METTL24: variants seen among roughly 807,000 people sequenced by gnomAD.
METTL24 encodes probable methyltransferase-like protein 24.
In METTL24, 29 loss-of-function variants were observed where a neutral mutation model predicts 32.7. That is an observed-to-expected ratio of 0.89 (90% CI 0.66 to 1.21). The LOEUF (loss-of-function observed/expected upper bound fraction) is 1.21, where lower values mean the gene tolerates loss of function less well. Ranked by LOEUF, METTL24 falls within the 50% of genes most tolerant of loss-of-function variation. The pLI is 0.00. For missense variants in METTL24, 439 were observed against 468.1 expected (o/e 0.94, Z 0.57); for synonymous variants, 163 against 179.5 (o/e 0.91, Z 0.73).
intron 4 of METTL24, among the ~76,000 whole-genome samples, chr6:110,279,742 C>T (rs759461710): frequency 6.6e-6 from 1 of 152,146 alleles, no homozygotes; most frequent in Non-Finnish European, 1.5e-5. Context: ...TCCCTAGTAA[C>T]TTTACCCAAA....
intron 4 of METTL24, among the ~76,000 whole-genome samples, chr6:110,274,602 A>G (rs1334528927): frequency 6.6e-6 from 1 of 152,038 alleles, no homozygotes; most frequent in Non-Finnish European, 1.5e-5. Context: ...AAGTCACCAC[A>G]AAAGAACTTA....
rs73537982 is a variant in METTL24, at chr6:110,244,877, T to C, written c.*1069A>G. Among the ~76,000 whole-genome samples, 4,565 of 152,238 alleles carry C rather than the reference T, an allele frequency of 0.03. 259 individuals are homozygous for C. The highest frequency in any genetic ancestry group is 0.1 in the African/African-American group (4,247 of 41,510). On this transcript the variant is annotated 3_prime_UTR_variant, in exon 5 of 5. Coordinates refer to ENST00000338882, the MANE Select transcript of METTL24 (RefSeq NM_001123364.3). ...ATGAAGTAATCATTAAAGGCCTTAC[T>C]TCAGTGAGGAGAGCACAGACCGAAG...
At chr6:110,314,883 G>A (rs561082473) in intron 3 of METTL24, among the ~76,000 whole-genome samples, 1 of 152,112 alleles carries the variant, frequency 6.6e-6, no homozygotes, top group East Asian at 1.9e-4. Flanking sequence ...AAGATCACTG[G>A]AGCCTGAGAG....
chr6:110,247,092 T>G (rs1285931182), intron 4 of METTL24, among the ~76,000 whole-genome samples: 1 of 152,178 alleles, frequency 6.6e-6, no homozygotes, highest in African/African-American at 2.4e-5. Flanking sequence ...CAGCTCCTTT[T>G]CGCTGCCTGT....
chr6:110,342,383 T>C (rs1444473909), intron 1 of METTL24, among the ~76,000 whole-genome samples: 1 of 152,198 alleles, frequency 6.6e-6, no homozygotes, highest in Non-Finnish European at 1.5e-5. Flanking sequence ...GGCCAGCATG[T>C]GGGCTCCACA....
chr6:110,315,917 G>A (rs1367418419), intron 2 of METTL24, among the ~76,000 whole-genome samples: 4 of 152,176 alleles, frequency 2.6e-5, no homozygotes, highest in African/African-American at 7.2e-5. Flanking sequence ...TACTCACAGA[G>A]TCCCTACTAT....
intron 1 of METTL24, among the ~76,000 whole-genome samples, chr6:110,343,665 A>T (rs1325735622): frequency 6.6e-6 from 1 of 152,206 alleles, no homozygotes; most frequent in Non-Finnish European, 1.5e-5. Flanking sequence ...TGATGTGTAG[A>T]TAAGAGAATG....
chr6:110,306,997 GT>G (rs1391523000), intron 3 of METTL24, among the ~76,000 whole-genome samples: 16 of 152,184 alleles, frequency 1.1e-4, no homozygotes, highest in African/African-American at 3.9e-4. Flanking sequence ...TCATTTCTAA[GT>G]CCGCAGTGCT....
intron 4 of METTL24, among the ~76,000 whole-genome samples, chr6:110,274,345 G>A (rs1389442997): frequency 1.3e-5 from 2 of 152,034 alleles, no homozygotes; most frequent in Admixed American, 6.6e-5. Context: ...CGCTTGCCTC[G>A]GCCTCCCAAA....
At chr6:110,289,824 C>T (rs966058481) in intron 4 of METTL24, among the ~76,000 whole-genome samples, 33 of 152,278 alleles carry the variant, frequency 2.2e-4, no homozygotes, top group African/African-American at 5.8e-4. Flanking sequence ...TCACTAGTTT[C>T]TTGCATATAA....
intron 4 of METTL24, among the ~76,000 whole-genome samples, chr6:110,282,484 A>T (rs1183128867): frequency 6.6e-6 from 1 of 151,894 alleles, no homozygotes; most frequent in East Asian, 1.9e-4. Context: ...AGGTATCATC[A>T]CCCCCATTTC....
chr6:110,280,506 T>C (rs1372546239), intron 4 of METTL24, among the ~76,000 whole-genome samples: 1 of 152,118 alleles, frequency 6.6e-6, no homozygotes, highest in African/African-American at 2.4e-5. Flanking sequence ...TATATGTAGA[T>C]GAAATGTTTA....
At chr6:110,284,733 A>T (rs1055823684) in intron 4 of METTL24, among the ~76,000 whole-genome samples, 2 of 152,180 alleles carry the variant, frequency 1.3e-5, no homozygotes, top group Admixed American at 1.3e-4. Context: ...GGTACTGTCT[A>T]GTTAATAATT....
At chr6:110,336,293 A>T (rs2114766790) in intron 1 of METTL24, among the ~76,000 whole-genome samples, 1 of 152,334 alleles carries the variant, frequency 6.6e-6, no homozygotes, top group Non-Finnish European at 1.5e-5. Context: ...CATCCCTACC[A>T]ACCCACACTG....
chr6:110,346,502 C>T (rs867181803), intron 1 of METTL24, among the ~76,000 whole-genome samples: 3 of 86,156 alleles, frequency 3.5e-5, no homozygotes, highest in African/African-American at 1.4e-4. Flanking sequence ...CTCTCTCTCT[C>T]TCTTTTTTTT....
At chr6:110,330,465 G>A (rs1410568058) in intron 1 of METTL24, among the ~76,000 whole-genome samples, 1 of 152,178 alleles carries the variant, frequency 6.6e-6, no homozygotes, top group Non-Finnish European at 1.5e-5. Context: ...ATAATACTGG[G>A]GAAACTGGGG....
intron 1 of METTL24, among the ~76,000 whole-genome samples, chr6:110,342,481 ACAG>A (rs1387221897): frequency 1.3e-5 from 2 of 152,180 alleles, no homozygotes; most frequent in Non-Finnish European, 2.9e-5. Context: ...CTTTATCTGA[ACAG>A]AGAATATCAT....
intron 3 of METTL24, among the ~76,000 whole-genome samples, chr6:110,304,013 C>G (rs1024500668): frequency 1.3e-5 from 2 of 152,144 alleles, no homozygotes; most frequent in Non-Finnish European, 2.9e-5. Context: ...TCTGGTGATA[C>G]CCAGGCAAAC....
At chr6:110,264,214 T>C (rs1453317036) in intron 4 of METTL24, among the ~76,000 whole-genome samples, 2 of 151,892 alleles carry the variant, frequency 1.3e-5, no homozygotes, top group Admixed American at 6.6e-5. Flanking sequence ...ATTTTTGCAA[T>C]CTACTCATCT....
Sources: gnomAD v4.1 joint callset for allele counts (sites outside exome capture counted in the v4.1 genomes callset) on GRCh38, gnomAD v4.1.1 for gene constraint, MANE v1.5 for transcripts, NCBI Gene and HGNC (gene_info 2026-07-23, HGNC 2026-07-21) for gene names.